JPH1: variants seen among roughly 807,000 people sequenced by gnomAD.
The protein encoded by JPH1 is junctophilin 1.
Under a neutral mutation model 53.6 loss-of-function variants are expected in JPH1, and 12 were observed. The ratio of observed to expected loss-of-function variants is 0.22; its 90% CI spans 0.14 to 0.36. JPH1 has a LOEUF of 0.36. JPH1 is among the 10% of genes least tolerant of loss of function. The pLI is 1.00. For missense variants in JPH1, 808 were observed against 905.5 expected (o/e 0.89, Z 1.38); for synonymous variants, 375 against 363.8 (o/e 1.03, Z -0.35).
chr8:74,271,131 G>A (rs767886630), intron 2 of JPH1, among the ~76,000 whole-genome samples: 10 of 149,876 alleles, frequency 6.7e-5, no homozygotes, highest in Admixed American at 5.3e-4. Flanking sequence ...GATTTAGGAC[G>A]TCATTTCCAC....
chr8:74,253,007 C>T (rs1184874011), intron 3 of JPH1, among the ~76,000 whole-genome samples: 2,100 of 151,612 alleles, frequency 0.014, 70 homozygotes, highest in African/African-American at 0.049. Context: ...AACAAGGATA[C>T]CCAGGAATTG....
Position 74,278,251 on chromosome 8 carries a change from CTT to C in JPH1, c.1140-18750_1140-18749del, listed in dbSNP as rs200952804. ...GAGTTCCCCTGCACAAGCTCTGTCT[CTT>C]TGTCTGCTGCCATCCATGTAAGACA... On this transcript the variant is annotated intron_variant, in intron 2 of 5. Transcript: ENST00000342232. Among the ~76,000 whole-genome samples, 1,472 of 152,290 alleles carry C rather than the reference CTT, an allele frequency of 9.7e-3. 28 individuals carry two copies. The highest frequency in any genetic ancestry group is 0.034 in the African/African-American group (1,408 of 41,540).
chr8:74,266,192 T>G (rs1309300205), intron 2 of JPH1, among the ~76,000 whole-genome samples: 1 of 152,044 alleles, frequency 6.6e-6, no homozygotes, highest in Non-Finnish European at 1.5e-5. Flanking sequence ...GCACCATTAT[T>G]TATAATAGTC....
At chr8:74,301,365 C>T (rs180934194) in intron 2 of JPH1, among the ~76,000 whole-genome samples, 3 of 152,316 alleles carry the variant, frequency 2.0e-5, no homozygotes, top group Admixed American at 6.5e-5. Flanking sequence ...ATCATATCCT[C>T]CCGATGCACT....
rs1318276477 is a variant in JPH1, at chr8:74,244,713, C to T, written c.1721G>A (p.Ser574Asn). Residue 574 changes from serine to asparagine, a missense_variant, in exon 4 of 6, where the codon AGC (serine) becomes AAC (asparagine). Physicochemically the swap from Ser to Asn is conservative, Grantham distance 46. Coordinates refer to ENST00000342232, the MANE Select transcript of JPH1 (RefSeq NM_020647.4). ...GTGCACCAGTGCTGAGGAAGACTGGCTGGATCCATCGCCGTCCTCCACGTC... is the reference window on the plus strand; with the variant it reads ...GTGCACCAGTGCTGAGGAAGACTGGTTGGATCCATCGCCGTCCTCCACGTC... ...PVDVEDGDGS[S>N]QSSSALVHKP... is the part of the protein sequence containing the mutation. 1 of 1,614,174 alleles carries T rather than the reference C, an allele frequency of 6.2e-7. No individual in the cohort carries two copies. The highest frequency in any genetic ancestry group is 8.5e-7 in the Non-Finnish European group (1 of 1,180,024).
chr8:74,291,743 A>G lies in JPH1; in HGVS notation c.1139+23118T>C, dbSNP rs138151737. On this transcript the variant is annotated intron_variant, in intron 2 of 5. Coordinates refer to ENST00000342232, the MANE Select transcript of JPH1 (RefSeq NM_020647.4). ...GAACCAACGCAAATGTCACTGTGGC[A>G]CTATTTACAATAGCAAAGACTTGGA... Among the ~76,000 whole-genome samples, 318 of 152,344 alleles carry G rather than the reference A, an allele frequency of 2.1e-3. 2 individuals are homozygous for G. Among genetic ancestry groups the G allele is most frequent in the African/African-American group, 7.2e-3 (299 of 41,578 alleles).
At chr8:74,289,209 T>A (rs928848411) in intron 2 of JPH1, among the ~76,000 whole-genome samples, 1 of 152,132 alleles carries the variant, frequency 6.6e-6, no homozygotes, top group Non-Finnish European at 1.5e-5. Context: ...AACAGTCCAG[T>A]CAGATTTGAT....
chr8:74,253,060 AC>A (rs1303930473), intron 3 of JPH1, among the ~76,000 whole-genome samples: 6 of 151,924 alleles, frequency 3.9e-5, no homozygotes, highest in African/African-American at 1.5e-4. Context: ...CATCTACAGA[AC>A]TCTCCACCCC....
rs751844777 is a variant in JPH1, at chr8:74,237,199, G to A, written c.*15+9C>T. 157 of 1,510,608 alleles carry A rather than the reference G, an allele frequency of 1.0e-4. 1 individual carries two copies. The highest frequency in any genetic ancestry group is 1.3e-4 in the Non-Finnish European group (144 of 1,098,970). 93.6% of individuals were successfully genotyped at this position (1,510,608 alleles called of 1,614,324 possible). On this transcript the variant is annotated intron_variant, in intron 5 of 5. Coordinates refer to ENST00000342232, the MANE Select transcript of JPH1 (RefSeq NM_020647.4). The stretch of plus-strand genomic sequence containing the variant: ...TATGATTTTAGATAGAAATTAAGGC[G>A]ATTCTTACCTTTCCTAATTCCAATC...
chr8:74,315,196 C>T lies in JPH1; in HGVS notation c.804G>A (p.Pro268=), dbSNP rs1563424504. ...TGGTGGCGTCCACGTGGTCTTCCAC[C>T]GGGCAAAAATCACAATCTACATCGC... ...SFGDVDCDFC[P]VEDHVDATTT... The change falls in exon 2 of 6, where the codon CCG becomes CCA. Residue 268 remains proline, a synonymous_variant. Transcript: ENST00000342232. The surrounding 1 kb of genome is among the most constrained non-coding windows in gnomAD (Gnocchi z 6.3). The T allele has an allele frequency of 5.6e-6, 9 of 1,614,182 alleles. No homozygotes were observed. Among genetic ancestry groups the T allele is most frequent in the Admixed American group, 3.3e-5 (2 of 60,028 alleles).
At chr8:74,280,631 A>G (rs892359111) in intron 2 of JPH1, among the ~76,000 whole-genome samples, 1 of 152,164 alleles carries the variant, frequency 6.6e-6, no homozygotes, top group Non-Finnish European at 1.5e-5. Flanking sequence ...ACGGCGACAC[A>G]TTGTCTACTG....
intron 2 of JPH1, among the ~76,000 whole-genome samples, chr8:74,292,203 C>A (rs4571724): frequency 6.6e-6 from 1 of 151,950 alleles, no homozygotes; most frequent in African/African-American, 2.4e-5. Flanking sequence ...CAGAAAAAAA[C>A]GTTCTGAAAA....
Position 74,300,250 on chromosome 8 carries a change from C to A in JPH1, c.1139+14611G>T, listed in dbSNP as rs183107449. ...CCTTTGTTAATTCCTAGAAGACTAGCCATTTTGACGTTTATATAAACTATG... is the reference window on the plus strand; with the variant it reads ...CCTTTGTTAATTCCTAGAAGACTAGACATTTTGACGTTTATATAAACTATG... On this transcript the variant is annotated intron_variant, in intron 2 of 5. Transcript: ENST00000342232. Among the ~76,000 whole-genome samples, 9 of 152,290 alleles carry A rather than the reference C, an allele frequency of 5.9e-5. No individual in the cohort carries two copies. In the East Asian group the frequency reaches 1.7e-3, roughly 29 times the overall value.
intron 2 of JPH1, among the ~76,000 whole-genome samples, chr8:74,276,865 AAT>A (rs1806863761): frequency 6.6e-6 from 1 of 152,242 alleles, no homozygotes; most frequent in Admixed American, 6.5e-5. Flanking sequence ...TTCTCAAATC[AAT>A]ATATACAGTT....
intron 4 of JPH1, among the ~76,000 whole-genome samples, chr8:74,239,186 AT>A (rs569417895): frequency 6.0e-4 from 89 of 147,858 alleles, no homozygotes; most frequent in African/African-American, 1.4e-3. Flanking sequence ...CATCTCTGAG[AT>A]TTTTTTTTTT....
At chr8:74,278,748 C>T (rs7819897) in intron 2 of JPH1, among the ~76,000 whole-genome samples, 31 of 152,064 alleles carry the variant, frequency 2.0e-4, no homozygotes, top group African/African-American at 7.0e-4. Context: ...CCTTCATGAG[C>T]GATGACAGAG....
In JPH1 at chr8:74,234,911, C is replaced by A. The variant is rs557262122; in HGVS notation, c.*2140G>T. On this transcript the variant is annotated 3_prime_UTR_variant, in exon 6 of 6. Transcript: ENST00000342232. ...AAAATGTTGAGTACAGTATAACAAC[C>A]CATTAGAAAGAGCCTTCATGTAAAA... 5.4e-4 allele frequency: 82 copies of A among 152,506 alleles called. 1 individual carries two copies. The highest frequency in any genetic ancestry group is 2.0e-3 in the African/African-American group (81 of 41,498). 9.4% of individuals were successfully genotyped at this position (152,506 alleles called of 1,614,324 possible). A position where few individuals can be genotyped will look rare whatever the true frequency, so the allele number is the denominator to read the frequency against.
Position 74,259,551 on chromosome 8 carries a change from C to T in JPH1, c.1140-48G>A, listed in dbSNP as rs573875826. 2.3e-6 allele frequency: 3 copies of T among 1,298,952 alleles called. No homozygotes were observed. In the East Asian group the frequency reaches 8.4e-5, roughly 36 times the overall value. 80.5% of individuals were successfully genotyped at this position (1,298,952 alleles called of 1,614,324 possible). On this transcript the variant is annotated intron_variant, in intron 2 of 5. Transcript: ENST00000342232. ...AGTCAGCATAGGTGACCCCTTGTTACTTACACAGGGACAAGCAAATTGTAA... is the reference window on the plus strand; with the variant it reads ...AGTCAGCATAGGTGACCCCTTGTTATTTACACAGGGACAAGCAAATTGTAA...
intron 2 of JPH1, among the ~76,000 whole-genome samples, chr8:74,280,635 T>C (rs1806986034): frequency 6.6e-6 from 1 of 152,170 alleles, no homozygotes. Context: ...CGACACATTG[T>C]CTACTGTGGA....
Sources: gnomAD v4.1 joint callset for allele counts (sites outside exome capture counted in the v4.1 genomes callset) on GRCh38, gnomAD v4.1.1 for gene constraint, Gnocchi (gnomAD v3.1) non-coding constraint, MANE v1.5 for transcripts, NCBI Gene and HGNC (gene_info 2026-07-23, HGNC 2026-07-21) for gene names.